DENND1A: variants seen among roughly 807,000 people sequenced by gnomAD.
DENND1A encodes DENN domain-containing protein 1A.
In DENND1A, 51 loss-of-function variants were observed where a neutral mutation model predicts 113.7. The observed-to-expected ratio is 0.45, with a 90% confidence interval of 0.36 to 0.57. The LOEUF is 0.57. Among genes scored for constraint, DENND1A ranks in the 20% least tolerant of loss-of-function variants. DENND1A has a pLI of 0.00. For synonymous variants in DENND1A, 565 were observed against 570.8 expected (o/e 0.99, Z 0.14); for missense variants, 1,258 against 1,395.9 (o/e 0.90, Z 1.57).
At chr9:123,921,912 CTTTTTTT>C (rs113646800) in intron 1 of DENND1A, among the ~76,000 whole-genome samples, 2 of 143,720 alleles carry the variant, frequency 1.4e-5, no homozygotes, top group Non-Finnish European at 3.0e-5. Context: ...CAAAGCCATC[CTTTTTTT>C]TTTTTTTCTT....
chr9:123,406,559 G>A (rs2043869926), intron 20 of DENND1A, among the ~76,000 whole-genome samples: 1 of 152,226 alleles, frequency 6.6e-6, no homozygotes, highest in Non-Finnish European at 1.5e-5. Flanking sequence ...AGAAACGAAT[G>A]AATGTTGCTG....
At chr9:123,521,762 C>T (rs1304655536) in intron 13 of DENND1A, among the ~76,000 whole-genome samples, 2 of 152,148 alleles carry the variant, frequency 1.3e-5, no homozygotes, top group Admixed American at 1.3e-4. Flanking sequence ...AGACTGGGAT[C>T]TAATCCCAGC....
chr9:123,455,311 C>T lies in DENND1A; in HGVS notation c.1187-532G>A, dbSNP rs773555197. Among the ~76,000 whole-genome samples the T allele has an allele frequency of 2.6e-5, 4 of 152,302 alleles. No homozygotes were observed. In the South Asian group the frequency reaches 8.3e-4, roughly 32 times the overall value. On this transcript the variant is annotated intron_variant, in intron 15 of 23. Transcript: ENST00000394215. ...GCTGGAGGTCAGGCTCCGAGGCAGCCGTGCCACTCTCCTCCAGTCGCGCCT... is the reference window on the plus strand; with the variant it reads ...GCTGGAGGTCAGGCTCCGAGGCAGCTGTGCCACTCTCCTCCAGTCGCGCCT...
chr9:123,722,457 G>A (rs1266943909), intron 5 of DENND1A, among the ~76,000 whole-genome samples: 1 of 152,186 alleles, frequency 6.6e-6, no homozygotes, highest in Non-Finnish European at 1.5e-5. Context: ...AGACAATGGG[G>A]AAAATGTCTC....
intron 13 of DENND1A, among the ~76,000 whole-genome samples, chr9:123,530,968 T>C (rs187440258): frequency 1.6e-4 from 25 of 152,318 alleles, no homozygotes; most frequent in Admixed American, 5.2e-4. Context: ...ATGGTTGACC[T>C]TGATAACTGA....
chr9:123,895,932 G>A (rs1850681601), intron 1 of DENND1A, among the ~76,000 whole-genome samples: 1 of 152,072 alleles, frequency 6.6e-6, no homozygotes, highest in Non-Finnish European at 1.5e-5. Context: ...AAAACCACTA[G>A]CCTCAAAACT....
chr9:123,457,817 G>A lies in DENND1A; in HGVS notation c.1074C>T (p.Ala358=). Residue 358 remains alanine, a synonymous_variant, in exon 14 of 24, where the codon GCC becomes GCT. Transcript: ENST00000394215. ...CCTGCTTGAAGAGCTGCAGCTGTGTGGCGTTCTGCAGGAACTGCCTCATGG... is the reference window on the plus strand; with the variant it reads ...CCTGCTTGAAGAGCTGCAGCTGTGTAGCGTTCTGCAGGAACTGCCTCATGG... ...SGAMRQFLQN[A]TQLQLFKQFI... 1 of 1,611,928 alleles carries A rather than the reference G, an allele frequency of 6.2e-7. No homozygotes were observed.
intron 11 of DENND1A, among the ~76,000 whole-genome samples, chr9:123,596,809 G>A (rs1017560110): frequency 9.9e-5 from 15 of 152,202 alleles, no homozygotes; most frequent in African/African-American, 3.6e-4. Flanking sequence ...AAATAACTGT[G>A]TTTGAATCCT....
At chr9:123,472,374 G>T (rs1037593870) in intron 13 of DENND1A, among the ~76,000 whole-genome samples, 7 of 152,194 alleles carry the variant, frequency 4.6e-5, no homozygotes, top group Non-Finnish European at 4.4e-5. Context: ...TCACAGCGAG[G>T]AGCTGTGTCA....
chr9:123,543,276 C>T (rs1298421806), intron 13 of DENND1A, among the ~76,000 whole-genome samples: 1 of 152,126 alleles, frequency 6.6e-6, no homozygotes, highest in Non-Finnish European at 1.5e-5. Flanking sequence ...GCATGGAATG[C>T]TGATATGTAT....
intron 18 of DENND1A, among the ~76,000 whole-genome samples, chr9:123,443,564 A>T (rs2132445527): frequency 6.6e-6 from 1 of 152,340 alleles, no homozygotes; most frequent in East Asian, 1.9e-4. Context: ...CAGGCCACCA[A>T]TTTATTAGCC....
chr9:123,464,753 CT>C lies in DENND1A; in HGVS notation c.994-6857del, dbSNP rs775297651. On this transcript the variant is annotated intron_variant, in intron 13 of 23. Transcript: ENST00000394215. The stretch of plus-strand genomic sequence containing the variant: ...GGACAATCAAAATTTTTAATTAAAA[CT>C]TTTTTTTTAACTTAAAAAATAGAAT... 7.1e-4 allele frequency among the ~76,000 whole-genome samples: 107 copies of C among 151,126 alleles called. 2 individuals carry two copies. The highest frequency in any genetic ancestry group is 1.0e-3 in the Non-Finnish European group (71 of 67,734).
At chr9:123,761,840 T>C (rs2071070526) in intron 4 of DENND1A, among the ~76,000 whole-genome samples, 1 of 152,074 alleles carries the variant, frequency 6.6e-6, no homozygotes, top group Non-Finnish European at 1.5e-5. Context: ...TCTATGGGAG[T>C]GTTCACTATT....
rs1236187976 is a variant in DENND1A at position 123,382,462 on chromosome 9, G to T, written c.2183C>A (p.Ser728Tyr). 6.2e-7 allele frequency: 1 copy of T among 1,613,326 alleles called. No individual in the cohort carries two copies. The highest frequency in any genetic ancestry group is 2.2e-5 in the East Asian group (1 of 44,870). ...PEKPSALLGN[S>Y]LALPRRPQNR... ...CTGGGGCCTTCGAGGCAGGGCCAGG[G>T]AGTTTCCGAGCAGGGCTGAGGGCTT... The change falls in exon 24 of 24, where the codon TCC becomes TAC. Residue 728 changes from serine (S) to tyrosine (Y), a missense_variant. Around this residue, in one of 2 missense-constraint regions of DENND1A, gnomAD observed 1,159 missense variants for 1,231.7 expected, o/e 0.94. Transcript: ENST00000394215.
intron 13 of DENND1A, among the ~76,000 whole-genome samples, chr9:123,554,951 T>C (rs1224552160): frequency 1.3e-5 from 2 of 152,238 alleles, no homozygotes; most frequent in Non-Finnish European, 2.9e-5. Flanking sequence ...AGACTTTAAT[T>C]TATTTCACCA....
At chr9:123,415,777 G>A (rs930013275) in intron 19 of DENND1A, among the ~76,000 whole-genome samples, 4 of 152,192 alleles carry the variant, frequency 2.6e-5, no homozygotes, top group Admixed American at 6.5e-5. Context: ...GGCACTTCAC[G>A]CAGGGCCAGG....
chr9:123,481,797 CTTT>C (rs199644080), intron 13 of DENND1A, among the ~76,000 whole-genome samples: 12 of 138,104 alleles, frequency 8.7e-5, no homozygotes, highest in Non-Finnish European at 9.4e-5. Context: ...TTCTTTCTTT[CTTT>C]TTTTTTTTTT....
intron 2 of DENND1A, chr9:123,842,937 G>A: frequency 3.6e-6 from 1 of 281,270 alleles, no homozygotes; most frequent in African/African-American, 2.2e-5. Flanking sequence ...TTGGGTGCCT[G>A]CATTAGGGCC....
At chr9:123,657,239 AG>A (rs1242292322) in intron 8 of DENND1A, among the ~76,000 whole-genome samples, 1 of 152,176 alleles carries the variant, frequency 6.6e-6, no homozygotes, top group Admixed American at 6.5e-5. Context: ...ACAAAGAGAA[AG>A]GGAATGGCAC....
Sources: allele counts gnomAD v4.1 joint callset (sites outside exome capture counted in the v4.1 genomes callset), GRCh38; gene constraint gnomAD v4.1.1; regional missense constraint gnomAD v4.1.1; transcripts MANE v1.5; gene names NCBI Gene and HGNC (gene_info 2026-07-23, HGNC 2026-07-21).